Variants in ACACA observed in about 807,000 individuals in gnomAD.
ACACA encodes the protein acetyl-CoA carboxylase alpha, also known as acetyl-CoA carboxylase 1.
ACACA carries 103 observed loss-of-function variants against 296.1 expected under a neutral mutation model. The ratio of observed to expected loss-of-function variants is 0.35; its 90% CI spans 0.30 to 0.41. The LOEUF (loss-of-function observed/expected upper bound fraction) is 0.41, where lower values mean the gene tolerates loss of function less well. Ranked by LOEUF, ACACA falls within the 10% of genes least tolerant of loss-of-function variation. The pLI is 1.00. For synonymous variants in ACACA, 953 were observed against 1,038.6 expected (o/e 0.92, Z 1.58); for missense variants, 1,554 against 2,989.7 (o/e 0.52, Z 11.20).
intron 3 of ACACA, among the ~76,000 whole-genome samples, chr17:37,290,223 A>G (rs2082981749): frequency 6.6e-6 from 1 of 151,928 alleles, no homozygotes; most frequent in Admixed American, 6.6e-5. Context: ...AATTTTTTCT[A>G]TTTTTAGCAC....
At chr17:37,192,500 G>C (rs887695425) in intron 36 of ACACA, among the ~76,000 whole-genome samples, 195 bp from the exon 37 acceptor site, 1 of 151,960 alleles carries the variant, frequency 6.6e-6, no homozygotes, top group Non-Finnish European at 1.5e-5. Context: ...TATTATATAG[G>C]TACTTTATAG....
intron 33 of ACACA, 70 bp from the exon 34 acceptor site, chr17:37,200,553 GCCC>G: frequency 1.4e-6 from 2 of 1,407,426 alleles, no homozygotes; most frequent in East Asian, 4.7e-5. Flanking sequence ...ATCCCATTCG[GCCC>G]TTGTAAGGCT....
chr17:37,399,005 G>A (rs867077146), intron 1 of ACACA, among the ~76,000 whole-genome samples: 13 of 149,756 alleles, frequency 8.7e-5, no homozygotes, highest in Admixed American at 1.3e-4. Context: ...TTTAGATGGA[G>A]TTTCACTCTT....
At chr17:37,220,206 G>T (rs2079219516) in intron 29 of ACACA, among the ~76,000 whole-genome samples, 1 of 152,142 alleles carries the variant, frequency 6.6e-6, no homozygotes, top group African/African-American at 2.4e-5. Flanking sequence ...CAGTCAAGAA[G>T]AATTTCTCTC....
rs755267058 is a variant in ACACA at position 37,087,209 on chromosome 17, T to A, written c.*107A>T. 43 of 1,499,344 alleles carry A rather than the reference T, an allele frequency of 2.9e-5. No homozygotes were observed. The highest frequency in any genetic ancestry group is 2.7e-5 in the Non-Finnish European group (29 of 1,081,500). The allele number at this position is 1,499,344 out of a possible 1,614,324, so 92.9% of individuals were successfully genotyped here. A position where few individuals can be genotyped will look rare whatever the true frequency, so the allele number is the denominator to read the frequency against. ...GAGAGGAAGTAAAATGCCATTTGAC[T>A]CCAGTGCTGGGTCTCCTGTGCCTTC... On this transcript the variant is annotated 3_prime_UTR_variant, in exon 56 of 56. Coordinates refer to ENST00000616317, the MANE Select transcript of ACACA (RefSeq NM_198834.3).
intron 35 of ACACA, among the ~76,000 whole-genome samples, chr17:37,195,251 C>T (rs1052502790): frequency 1.8e-4 from 27 of 152,166 alleles, no homozygotes; most frequent in Admixed American, 5.2e-4. Context: ...GTTTAGGATG[C>T]CATTTATTTA....
In ACACA at chr17:37,129,392, A is replaced by T; in HGVS notation, c.5917T>A (p.Trp1973Arg). ...GGGTGAGGACGGCCTGCTAGCATCC[A>T]TCGAGGATCGTATGGGGTCTTTGTG... ...VPTKTPYDPR[W>R]MLAGRPHPTQ... Residue 1973 changes from tryptophan (W) to arginine (R), a missense_variant, in exon 47 of 56, where the codon TGG (tryptophan) becomes AGG (arginine). Coordinates refer to ENST00000616317, the MANE Select transcript of ACACA (RefSeq NM_198834.3). The T allele has an allele frequency of 6.2e-7, 1 of 1,614,142 alleles. No individual in the cohort carries two copies. Among genetic ancestry groups the T allele is most frequent in the Non-Finnish European group, 8.5e-7 (1 of 1,180,020 alleles).
chr17:37,259,001 AATT>A (rs2081330798), intron 12 of ACACA, among the ~76,000 whole-genome samples: 1 of 152,224 alleles, frequency 6.6e-6, no homozygotes, highest in African/African-American at 2.4e-5. Flanking sequence ...TCTGATGCAG[AATT>A]ATTTCAATAA....
rs1208008727 is a variant in ACACA, at chr17:37,257,936, T to G, written c.1663-70A>C. 3 of 1,569,218 alleles carry G rather than the reference T, an allele frequency of 1.9e-6. 1 individual carries two copies. The East Asian group carries it at 6.7e-5, about 35-fold the overall frequency. ...AAGAGAAGATTTATATATTCATTGT[T>G]TAAGTTCTCTGTTAATCACACACAG... On this transcript the variant is annotated intron_variant, in intron 13 of 55. Coordinates refer to ENST00000616317, the MANE Select transcript of ACACA (RefSeq NM_198834.3).
chr17:37,282,695 C>G (rs576596040), intron 5 of ACACA, among the ~76,000 whole-genome samples: 1 of 152,176 alleles, frequency 6.6e-6, no homozygotes, highest in East Asian at 1.9e-4. Context: ...GAGATTATAC[C>G]TTAGTGATAG....
intron 3 of ACACA, among the ~76,000 whole-genome samples, chr17:37,306,978 G>A (rs192916030): frequency 1.1e-4 from 16 of 152,168 alleles, no homozygotes; most frequent in Middle Eastern, 3.4e-3. Context: ...GATTACAGGC[G>A]TGAGCCACCA....
At chr17:37,313,623 G>C (rs929952353) in intron 3 of ACACA, among the ~76,000 whole-genome samples, 14 of 152,154 alleles carry the variant, frequency 9.2e-5, no homozygotes, top group African/African-American at 3.4e-4. Context: ...ACTACAATGA[G>C]ATATAATCTC....
chr17:37,205,999 G>A, intron 32 of ACACA, 127 bp from the exon 33 acceptor site: 1 of 801,890 alleles, frequency 1.2e-6, no homozygotes, highest in South Asian at 1.4e-5. Flanking sequence ...GGTTTGCCCA[G>A]CAGTAGGAAT....
At chr17:37,255,938 G>A (rs1411130809) in intron 14 of ACACA, among the ~76,000 whole-genome samples, 1 of 151,902 alleles carries the variant, frequency 6.6e-6, no homozygotes, top group Non-Finnish European at 1.5e-5. Context: ...GCAGAGACGG[G>A]GTTTTACCAT....
intron 52 of ACACA, among the ~76,000 whole-genome samples, chr17:37,103,070 T>C (rs532378690): frequency 1.3e-5 from 2 of 152,326 alleles, no homozygotes; most frequent in South Asian, 2.1e-4. Flanking sequence ...GGAAAAAAGA[T>C]TTTTAAAATT....
chr17:37,344,466 G>A (rs1418328004), intron 1 of ACACA, among the ~76,000 whole-genome samples: 1 of 152,142 alleles, frequency 6.6e-6, no homozygotes, highest in African/African-American at 2.4e-5. Flanking sequence ...GCTGAGGCAG[G>A]AGAATCGCTT....
In ACACA at chr17:37,142,086, G is replaced by A. The variant is rs1345530950; in HGVS notation, c.5679+7778C>T. Among the ~76,000 whole-genome samples the A allele has an allele frequency of 2.0e-5, 3 of 151,440 alleles. No individual in the cohort carries two copies. In the East Asian group the frequency reaches 5.8e-4, roughly 29 times the overall value. The stretch of plus-strand genomic sequence containing the variant: ...ACATTCATAATAGGTTGTCAAACAT[G>A]ATAATTTCCGAGTCTGTATTCAATG... On this transcript the variant is annotated intron_variant, in intron 45 of 55. Transcript: ENST00000616317.
At chr17:37,172,008 GC>G (rs1242468242) in intron 41 of ACACA, among the ~76,000 whole-genome samples, 1 of 152,120 alleles carries the variant, frequency 6.6e-6, no homozygotes, top group Non-Finnish European at 1.5e-5. Flanking sequence ...GAACTCTGGT[GC>G]CCCCCGCTAC....
chr17:37,207,623 C>T (rs1365044083), intron 31 of ACACA, 34 bp downstream of exon 31: 1 of 1,612,904 alleles, frequency 6.2e-7, no homozygotes, highest in Non-Finnish European at 8.5e-7. Flanking sequence ...GTCCATGGCT[C>T]CCCTTGTACA....
Sources: allele counts gnomAD v4.1 joint callset (sites outside exome capture counted in the v4.1 genomes callset), GRCh38; gene constraint gnomAD v4.1.1; transcripts MANE v1.5; gene names NCBI Gene and HGNC (gene_info 2026-07-23, HGNC 2026-07-21).